PEAK1: variants seen among roughly 807,000 people sequenced by gnomAD.
PEAK1 encodes the protein inactive tyrosine-protein kinase PEAK1.
A neutral mutation model predicts 124.7 loss-of-function variants in PEAK1; 54 were observed. The observed-to-expected ratio is 0.43, with a 90% CI of 0.35 to 0.54. The LOEUF (loss-of-function observed/expected upper bound fraction) is 0.54. Ranked by LOEUF, PEAK1 falls within the 20% of genes least tolerant of loss-of-function variation. The probability of loss-of-function intolerance (pLI) is 0.01; values close to 1 mark genes in which losing one functional copy is unlikely to be tolerated. For missense variants in PEAK1, 2,046 were observed against 2,134.5 expected (o/e 0.96, Z 0.82); for synonymous variants, 719 against 760.0 (o/e 0.95, Z 0.89).
Position 77,180,751 on chromosome 15 carries a change from A to C in PEAK1, c.1176T>G (p.Ser392Arg). Residue 392 changes from serine to arginine, a missense_variant, in exon 7 of 10, where the codon AGT (serine) becomes AGG (arginine). Ser to Arg is a moderately radical substitution (Grantham distance 110). Coordinates refer to ENST00000682557, the MANE Select transcript of PEAK1 (RefSeq NM_001385026.1). ...EIEPNYESPS[S>R]NNQDKDSSQA... ...GTGATGAATCTTTATCCTGATTATT[A>C]CTAGAGGGACTTTCATAATTGGGCT... The C allele has an allele frequency of 1.9e-6, 3 of 1,614,066 alleles. No homozygotes were observed. Among genetic ancestry groups the C allele is most frequent in the Non-Finnish European group, 2.5e-6 (3 of 1,179,988 alleles).
At chr15:77,379,671 T>C (rs1021226611) in intron 1 of PEAK1, among the ~76,000 whole-genome samples, 1 of 152,034 alleles carries the variant, frequency 6.6e-6, no homozygotes, top group Admixed American at 6.5e-5. Context: ...AATACACCAA[T>C]AGGGACCCTT....
rs954349731 is a variant in PEAK1, at chr15:77,151,925, C to T, written c.3331+6578G>A. 2.7e-5 allele frequency among the ~76,000 whole-genome samples: 4 copies of T among 148,294 alleles called. No homozygotes were observed. The South Asian group carries it at 8.4e-4, about 31-fold the overall frequency. On this transcript the variant is annotated intron_variant, in intron 8 of 9. Coordinates refer to ENST00000682557, the MANE Select transcript of PEAK1 (RefSeq NM_001385026.1). ...TTTGGTTACTGTAGCCTTGTAGTAA[C>T]CAAAAACCTTTGTTCTTTTGGCTTA...
intron 9 of PEAK1, among the ~76,000 whole-genome samples, chr15:77,129,131 C>A (rs778368579): frequency 6.6e-6 from 1 of 152,212 alleles, no homozygotes; most frequent in Non-Finnish European, 1.5e-5. Context: ...CTCTCCCTTG[C>A]ACTCTCTTCC....
intron 2 of PEAK1, among the ~76,000 whole-genome samples, chr15:77,289,791 C>T (rs376758397): frequency 6.6e-6 from 1 of 151,886 alleles, no homozygotes; most frequent in Non-Finnish European, 1.5e-5. Context: ...GAGCCGATAT[C>T]GTGCACTCCA....
chr15:77,314,707 C>T (rs1204612833), intron 2 of PEAK1, among the ~76,000 whole-genome samples: 2 of 152,082 alleles, frequency 1.3e-5, no homozygotes, highest in Admixed American at 6.6e-5. Context: ...CAGTAGTCCT[C>T]TGGTAGGAGA....
chr15:77,244,530 A>C (rs2060493377), intron 6 of PEAK1, among the ~76,000 whole-genome samples: 1 of 152,068 alleles, frequency 6.6e-6, no homozygotes, highest in African/African-American at 2.4e-5. Context: ...TGGTCCAACT[A>C]TAATAGCATT....
chr15:77,304,903 G>T (rs930461320), intron 2 of PEAK1, among the ~76,000 whole-genome samples: 4 of 151,968 alleles, frequency 2.6e-5, no homozygotes, highest in Non-Finnish European at 5.9e-5. Flanking sequence ...TGTACAATGT[G>T]GATCATTCCT....
At chr15:77,304,598 C>T (rs1023636794) in intron 2 of PEAK1, among the ~76,000 whole-genome samples, 2 of 151,950 alleles carry the variant, frequency 1.3e-5, no homozygotes, top group Admixed American at 1.3e-4. Context: ...CAGGTGCCCG[C>T]CACCACGTCC....
chr15:77,418,707 T>A (rs2073091743), intron 1 of PEAK1: 2 of 985,284 alleles, frequency 2.0e-6, no homozygotes, highest in African/African-American at 3.5e-5. Flanking sequence ...GAAGTGAGTA[T>A]CCAAGATTGC....
Position 77,114,956 on chromosome 15 carries a change from G to A in PEAK1, c.4441C>T (p.Gln1481Ter). 6.2e-7 allele frequency: 1 copy of A among 1,614,098 alleles called. No individual in the cohort carries two copies. The highest frequency in any genetic ancestry group is 8.5e-7 in the Non-Finnish European group (1 of 1,180,022). ...TACAAATCAGGGCTTTTCCCATGCTGGGCCAGAGAGTCTCGCACAAAATCA... is the reference window on the plus strand; with the variant it reads ...TACAAATCAGGGCTTTTCCCATGCTAGGCCAGAGAGTCTCGCACAAAATCA... Reference protein sequence around the residue: ...VADFVRDSLAQHGKSPDLYER... With the variant: ...VADFVRDSLA Residue 1481 changes from glutamine (Q) to a stop codon, truncating the protein, a stop_gained, in exon 10 of 10, where the codon CAG becomes TAG. Coordinates refer to ENST00000682557, the MANE Select transcript of PEAK1 (RefSeq NM_001385026.1). LOFTEE classifies it high-confidence loss of function.
At chr15:77,391,630 C>T (rs1229327224) in intron 1 of PEAK1, among the ~76,000 whole-genome samples, 1 of 151,976 alleles carries the variant, frequency 6.6e-6, no homozygotes, top group Non-Finnish European at 1.5e-5. Flanking sequence ...CAGTACCCAC[C>T]AGCAAGTATC....
intron 2 of PEAK1, among the ~76,000 whole-genome samples, chr15:77,339,444 T>C (rs1437933814): frequency 1.3e-5 from 2 of 152,202 alleles, no homozygotes; most frequent in Non-Finnish European, 2.9e-5. Flanking sequence ...AATTGTATGT[T>C]CTAAATATTT....
At chr15:77,334,271 G>C in intron 2 of PEAK1, 2 of 984,688 alleles carry the variant, frequency 2.0e-6, no homozygotes, top group Non-Finnish European at 2.4e-6. Flanking sequence ...TAGATTTTCT[G>C]GTAGATCACT....
intron 5 of PEAK1, among the ~76,000 whole-genome samples, chr15:77,260,205 A>T (rs1293630644): frequency 6.6e-6 from 1 of 152,182 alleles, no homozygotes; most frequent in African/African-American, 2.4e-5. Context: ...AATAAAGGCC[A>T]CTCTAGATAT....
intron 2 of PEAK1, among the ~76,000 whole-genome samples, chr15:77,321,330 TG>T (rs1304042544): frequency 7.2e-5 from 11 of 152,216 alleles, no homozygotes; most frequent in Non-Finnish European, 1.3e-4. Context: ...TGTTGTTTCC[TG>T]ACTTTTTAAT....
At chr15:77,419,134 A>C in intron 1 of PEAK1, 1 of 985,362 alleles carries the variant, frequency 1.0e-6, no homozygotes, top group Non-Finnish European at 1.2e-6. Flanking sequence ...ACAGCTCTCA[A>C]ATTCCTGAAC....
At chr15:77,261,631 G>C (rs529659367) in intron 5 of PEAK1, among the ~76,000 whole-genome samples, 25 of 152,294 alleles carry the variant, frequency 1.6e-4, no homozygotes, top group African/African-American at 5.8e-4. Context: ...ATCTATATCT[G>C]ATTGGTGTAC....
chr15:77,259,546 A>G (rs1048454048), intron 5 of PEAK1, among the ~76,000 whole-genome samples: 2 of 152,340 alleles, frequency 1.3e-5, no homozygotes, highest in South Asian at 4.1e-4. Flanking sequence ...GTTAGGAAAC[A>G]ATTTCTTGGG....
intron 7 of PEAK1, among the ~76,000 whole-genome samples, chr15:77,176,485 C>G (rs1048641447): frequency 2.6e-5 from 4 of 151,978 alleles, no homozygotes; most frequent in Admixed American, 6.6e-5. Context: ...CAGGACCCAC[C>G]CCAGACCTAC....
Sources: gnomAD v4.1 joint callset for allele counts (sites outside exome capture counted in the v4.1 genomes callset) on GRCh38, gnomAD v4.1.1 for gene constraint, MANE v1.5 for transcripts, NCBI Gene and HGNC (gene_info 2026-07-23, HGNC 2026-07-21) for gene names.